NME9: variants seen among roughly 807,000 people sequenced by gnomAD.
NME9 encodes the protein thioredoxin domain-containing protein 6.
In NME9, 48 loss-of-function variants were observed where a neutral mutation model predicts 44.4. That is an observed-to-expected ratio of 1.08 (90% CI 0.86 to 1.37). The LOEUF is 1.37. NME9 is among the 40% of genes most tolerant of loss of function. NME9 has a pLI of 0.00. For synonymous variants in NME9, 139 were observed against 147.1 expected, an observed-to-expected ratio of 0.94 and a Z score of 0.40; for missense variants, 325 against 405.2, an observed-to-expected ratio of 0.80 and a Z score of 1.70.
At chr3:138,314,302 T>C (rs745543591) in intron 6 of NME9, 30 bp downstream of exon 6, 6 of 1,424,936 alleles carry the variant, frequency 4.2e-6, no homozygotes, top group Non-Finnish European at 5.8e-6. Context: ...TGCTTTGCTT[T>C]TTTCCCTTGC....
At chr3:138,266,312 C>T (rs1017942530) in intron 8 of NME9, among the ~76,000 whole-genome samples, 1 of 152,100 alleles carries the variant, frequency 6.6e-6, no homozygotes, top group African/African-American at 2.4e-5. Flanking sequence ...AGTATCAGTG[C>T]CTTTCTATGC....
intron 1 of NME9, among the ~76,000 whole-genome samples, chr3:138,326,190 G>T (rs1286890142): frequency 6.6e-6 from 1 of 152,154 alleles, no homozygotes; most frequent in African/African-American, 2.4e-5. Flanking sequence ...TGGACTGGTT[G>T]AAATTGGCTG....
At chr3:138,295,594 G>A (rs1273516600) in intron 8 of NME9, among the ~76,000 whole-genome samples, 1 of 152,232 alleles carries the variant, frequency 6.6e-6, no homozygotes, top group Non-Finnish European at 1.5e-5. Context: ...CAGGGACTGT[G>A]GAATGTCACT....
At chr3:138,269,936 G>T in intron 8 of NME9, 1 of 535,668 alleles carries the variant, frequency 1.9e-6, no homozygotes, top group South Asian at 2.9e-5. Flanking sequence ...GCCTGGAATT[G>T]AGTAAGAGTG....
rs562971951 is a variant in NME9, at chr3:138,266,259, A to G, written c.746-3673T>C. Among the ~76,000 whole-genome samples, 241 of 152,158 alleles carry G rather than the reference A, an allele frequency of 1.6e-3. 1 individual carries two copies. The highest frequency in any genetic ancestry group is 5.3e-3 in the African/African-American group (218 of 41,514). ...TTCCTGAACCTCATTAAGAGCCCCA[A>G]ATCTCAGAATGGTTATTTACCTACA... is the stretch of plus-strand genomic sequence containing the variant. On this transcript the variant is annotated intron_variant, in intron 8 of 8. Coordinates refer to the NME9 transcript ENST00000317876.
chr3:138,284,220 G>A (rs1264092459), intron 8 of NME9, among the ~76,000 whole-genome samples: 1 of 152,210 alleles, frequency 6.6e-6, no homozygotes. Flanking sequence ...AACCACCAAA[G>A]TGTTGGGGTT....
intron 10 of NME9, among the ~76,000 whole-genome samples, 185 bp from the exon 11 acceptor site, chr3:138,301,889 TTTG>T (rs1244644396): frequency 1.3e-5 from 2 of 152,242 alleles, no homozygotes; most frequent in African/African-American, 4.8e-5. Flanking sequence ...GAGCATTTAA[TTTG>T]TGTCAGATGC....
At chr3:138,327,290 T>C (rs2053859365) in intron 1 of NME9, among the ~76,000 whole-genome samples, 2 of 152,076 alleles carry the variant, frequency 1.3e-5, no homozygotes, top group Admixed American at 1.3e-4. Context: ...AGAGTTGGAC[T>C]GACATAACCC....
At chr3:138,324,016 T>C (rs944972687) in intron 2 of NME9, among the ~76,000 whole-genome samples, 4 of 152,168 alleles carry the variant, frequency 2.6e-5, no homozygotes, top group African/African-American at 9.7e-5. Flanking sequence ...CTTTCAAGAT[T>C]AGGCTAACAA....
downstream of NME9, chr3:138,296,917 T>C (rs1482036483): frequency 6.6e-6 from 1 of 152,202 alleles, no homozygotes; most frequent in Non-Finnish European, 1.5e-5. Context: ...TGGAAACTTG[T>C]GCTCAAACTA....
chr3:138,287,024 C>G lies in NME9; in HGVS notation c.745+16483G>C, dbSNP rs149898719. 1.5e-3 allele frequency among the ~76,000 whole-genome samples: 228 copies of G among 152,336 alleles called. 1 individual carries two copies. Among genetic ancestry groups the G allele is most frequent in the African/African-American group, 5.2e-3 (215 of 41,574 alleles). On this transcript the variant is annotated intron_variant, in intron 8 of 8. Coordinates refer to the NME9 transcript ENST00000317876. ...ATCCAATTACTCCTTTTCATCACCACTGCCCCCACCCTAGTCAGTCCAAGT... is the reference window on the plus strand; with the variant it reads ...ATCCAATTACTCCTTTTCATCACCAGTGCCCCCACCCTAGTCAGTCCAAGT...
Position 138,273,111 on chromosome 3 carries a change from C to T in NME9, c.746-10525G>A. ...ACTTCTTAGAAATCTCCTCTCCACTCGTCCTGTAAGTAAAATCACCCAGGC... is the reference window on the plus strand; with the variant it reads ...ACTTCTTAGAAATCTCCTCTCCACTTGTCCTGTAAGTAAAATCACCCAGGC... On this transcript the variant is annotated intron_variant, in intron 8 of 8. Coordinates refer to the NME9 transcript ENST00000317876. 6.2e-7 allele frequency: 1 copy of T among 1,602,198 alleles called. No homozygotes were observed. The highest frequency in any genetic ancestry group is 8.5e-7 in the Non-Finnish European group (1 of 1,176,172).
At chr3:138,281,666 A>G (rs1358434984) in intron 8 of NME9, among the ~76,000 whole-genome samples, 1 of 152,138 alleles carries the variant, frequency 6.6e-6, no homozygotes, top group Non-Finnish European at 1.5e-5. Context: ...TTCAAAACAG[A>G]ACTGTACCTC....
chr3:138,308,945 G>GAA (rs1002890235), intron 6 of NME9, among the ~76,000 whole-genome samples: 848 of 52,862 alleles, frequency 0.016, 19 homozygotes, highest in African/African-American at 0.024. Flanking sequence ...AATACTGAAA[G>GAA]AAAAAAAAAA....
intron 8 of NME9, among the ~76,000 whole-genome samples, chr3:138,269,214 G>A (rs1461739594): frequency 6.6e-6 from 1 of 152,146 alleles, no homozygotes; most frequent in Non-Finnish European, 1.5e-5. Flanking sequence ...AATATAATTT[G>A]TACAGTTGAG....
intron 8 of NME9, among the ~76,000 whole-genome samples, chr3:138,293,391 T>C (rs1460150074): frequency 6.6e-6 from 1 of 152,012 alleles, no homozygotes; most frequent in Non-Finnish European, 1.5e-5. Flanking sequence ...CTCCAAAAAT[T>C]AGCAGGGCAT....
chr3:138,267,837 A>T (rs113560904), intron 8 of NME9, among the ~76,000 whole-genome samples: 1 of 152,222 alleles, frequency 6.6e-6, no homozygotes, highest in Admixed American at 6.5e-5. Context: ...GATCTGCCCA[A>T]TTATGAACTC....
At chr3:138,311,826 C>T (rs2052723966) in intron 6 of NME9, among the ~76,000 whole-genome samples, 1 of 152,008 alleles carries the variant, frequency 6.6e-6, no homozygotes, top group African/African-American at 2.4e-5. Flanking sequence ...TCAAAAATCT[C>T]GAATAAGACA....
In NME9 at chr3:138,303,388, T is replaced by G. The variant is rs1577115654; in HGVS notation, c.928+119A>C. The G allele has an allele frequency of 5.0e-5, 34 of 685,494 alleles. No individual in the cohort carries two copies. The East Asian group carries it at 8.6e-4, about 17-fold the overall frequency. The allele number at this position is 685,494 out of a possible 1,614,324, so 42.5% of individuals were successfully genotyped here. On this transcript the variant is annotated intron_variant, in intron 10 of 10. Coordinates refer to ENST00000333911, the MANE Select transcript of NME9 (RefSeq NM_001349018.2). ...ATGACCTGTATTTTCAGAACAGGAC[T>G]GTATTAGGTTGAAGACTTAGTTACC...
Sources: allele counts gnomAD v4.1 joint callset (sites outside exome capture counted in the v4.1 genomes callset), GRCh38; gene constraint gnomAD v4.1.1; transcripts MANE v1.5; gene names NCBI Gene and HGNC (gene_info 2026-07-23, HGNC 2026-07-21).